IDH2: variants seen among roughly 807,000 people sequenced by gnomAD.
The protein encoded by IDH2 is isocitrate dehydrogenase (NADP(+)) 2, also known as isocitrate dehydrogenase [NADP], mitochondrial.
In IDH2, 18 loss-of-function variants were observed where a neutral mutation model predicts 50.5. The observed-to-expected ratio is 0.36, with a 90% CI of 0.25 to 0.53. IDH2 has a LOEUF of 0.53. Among genes scored for constraint, IDH2 ranks in the 20% least tolerant of loss-of-function variants. The pLI, the probability that IDH2 is intolerant of heterozygous loss-of-function variation, is 0.92. For missense variants in IDH2, 518 were observed against 610.7 expected (o/e 0.85, Z 1.60); for synonymous variants, 280 against 239.8 (o/e 1.17, Z -1.55).
Position 90,087,086 on chromosome 15 carries a change from C to T in IDH2, c.967+26G>A, listed in dbSNP as rs762085634. 3.1e-6 allele frequency: 5 copies of T among 1,613,564 alleles called. No individual in the cohort carries two copies. The South Asian group carries it at 3.3e-5, about 11-fold the overall frequency. On this transcript the variant is annotated intron_variant, in intron 7 of 10. Coordinates refer to ENST00000330062, the MANE Select transcript of IDH2 (RefSeq NM_002168.4). ...AGAGAAGACCAACAGTCCACCCCCA[C>T]AGGGAGCAGCGTCCTCCCAGCGTAC...
At chr15:90,094,210 C>T (rs188188177) in intron 1 of IDH2, among the ~76,000 whole-genome samples, 4 of 152,164 alleles carry the variant, frequency 2.6e-5, no homozygotes, top group Non-Finnish European at 4.4e-5. Flanking sequence ...GAGTCTGACT[C>T]GCAGGAATAC....
chr15:90,093,556 T>C (rs1901100973), intron 1 of IDH2, among the ~76,000 whole-genome samples: 1 of 152,146 alleles, frequency 6.6e-6, no homozygotes, highest in African/African-American at 2.4e-5. Context: ...TTCCATTTAA[T>C]CCCAAAAACA....
At position 90,100,525 on chromosome 15, in the gene IDH2, C is replaced by T; in HGVS notation, c.115+1751G>A. 1.8e-6 allele frequency: 1 copy of T among 549,456 alleles called. No individual in the cohort carries two copies. The highest frequency in any genetic ancestry group is 2.3e-6 in the Non-Finnish European group (1 of 431,366). The allele number at this position is 549,456 out of a possible 1,614,324, so 34.0% of individuals were successfully genotyped here. A position where few individuals can be genotyped will look rare whatever the true frequency, so the allele number is the denominator to read the frequency against. The stretch of plus-strand genomic sequence containing the variant: ...AAGGAAGGCTAGATAAGTAATTCTG[C>T]CACTGAGCCGTTCACAGAACTGGTC... On this transcript the variant is annotated intron_variant, in intron 1 of 10. Transcript: ENST00000330062. The surrounding 1 kb of genome is among the most constrained non-coding windows in gnomAD (Gnocchi z 4.1).
chr15:90,098,502 T>TTATGTATGTATG lies in IDH2; in HGVS notation c.115+3762_115+3773dup, dbSNP rs1185519209. 5.3e-5 allele frequency among the ~76,000 whole-genome samples: 3 copies of TTATGTATGTATG among 56,754 alleles called. No homozygotes were observed. Among genetic ancestry groups the TTATGTATGTATG allele is most frequent in the Non-Finnish European group, 9.3e-5 (2 of 21,438 alleles). The allele number at this position is 56,754 out of a possible 152,430, so 37.2% of individuals were successfully genotyped here. A position where few individuals can be genotyped will look rare whatever the true frequency, so the allele number is the denominator to read the frequency against. ...AGGCAGGACAGCAACTTTGTATATTTTATGTATGTATGTATGTATGTATGC... is the reference window on the plus strand; with the variant it reads ...AGGCAGGACAGCAACTTTGTATATTTTATGTATGTATGTATGTATGTATGTATGTATGTATGC... On this transcript the variant is annotated intron_variant, in intron 1 of 10. Transcript: ENST00000330062. This position sits in a 1 kb window ranked among gnomAD's most constrained non-coding sequence, Gnocchi z 5.1.
At position 90,084,239 on chromosome 15, in the gene IDH2, C is replaced by T. The variant is rs778604514; in HGVS notation, c.*27G>A. ...CCCGCCGGCTCAGCCCTGGCCCCTC[C>T]ACTGCAGCCATGGGTGGCGCCTCCC... is the stretch of plus-strand genomic sequence containing the variant. On this transcript the variant is annotated 3_prime_UTR_variant, in exon 11 of 11. Coordinates refer to ENST00000330062, the MANE Select transcript of IDH2 (RefSeq NM_002168.4). The surrounding 1 kb of genome is among the most constrained non-coding windows in gnomAD (Gnocchi z 5.0). 5 of 1,604,586 alleles carry T rather than the reference C, an allele frequency of 3.1e-6. No individual in the cohort carries two copies. The highest frequency in any genetic ancestry group is 3.3e-5 in the Admixed American group (2 of 59,814).
In IDH2 at chr15:90,088,494, G is replaced by C. The variant is rs772650285; in HGVS notation, c.543C>G (p.Ala181=). ...CGGCCCGGTCTGCCACAAAGTCTGTGGCCTTGTACTGCAGAGACAAGAGGA... is the reference window on the plus strand; with the variant it reads ...CGGCCCGGTCTGCCACAAAGTCTGTCGCCTTGTACTGCAGAGACAAGAGGA... ...GRHAHGDQYK[A]TDFVADRAGT... is the part of the protein sequence containing the mutation. The change falls in exon 5 of 11, where the codon GCC becomes GCG. Residue 181 remains alanine (A), a synonymous_variant. Transcript: ENST00000330062. 6.2e-7 allele frequency: 1 copy of C among 1,614,238 alleles called. No homozygotes were observed. Among genetic ancestry groups the C allele is most frequent in the Non-Finnish European group, 8.5e-7 (1 of 1,180,044 alleles).
intron 1 of IDH2, among the ~76,000 whole-genome samples, chr15:90,099,864 T>G (rs1353726267): frequency 6.6e-6 from 1 of 152,202 alleles, no homozygotes; most frequent in Admixed American, 6.5e-5. Context: ...TGAAAGAGTC[T>G]CTGCTGGTTT....
At position 90,087,560 on chromosome 15, in the gene IDH2, C is replaced by A; in HGVS notation, c.694G>T (p.Ala232Ser). The A allele has an allele frequency of 6.2e-7, 1 of 1,613,618 alleles. No homozygotes were observed. The highest frequency in any genetic ancestry group is 8.5e-7 in the Non-Finnish European group (1 of 1,180,042). Residue 232 changes from alanine to serine, a missense_variant, in exon 6 of 11, where the codon GCG (alanine) becomes TCG (serine). Coordinates refer to ENST00000330062, the MANE Select transcript of IDH2 (RefSeq NM_002168.4). ...YNTDESISGF[A>S]HSCFQYAIQK... The stretch of plus-strand genomic sequence containing the variant: ...ATGGCATACTGGAAGCAGCTGTGCG[C>A]AAAACCTGAGATGGACTGCAGGGGG...
Position 90,100,485 on chromosome 15 carries a change from T to A in IDH2, c.115+1791A>T. 2 of 275,498 alleles carry A rather than the reference T, an allele frequency of 7.3e-6. No homozygotes were observed. The highest frequency in any genetic ancestry group is 1.1e-5 in the Non-Finnish European group (2 of 180,916). 17.1% of individuals were successfully genotyped at this position (275,498 alleles called of 1,614,324 possible). A position where few individuals can be genotyped will look rare whatever the true frequency, so the allele number is the denominator to read the frequency against. ...CTTAAGGGGCAAGAATTAAGAAGTT[T>A]CTGGGTTAGGAGTGAAGGAAGGCTA... On this transcript the variant is annotated intron_variant, in intron 1 of 10. Transcript: ENST00000330062. This position sits in a 1 kb window ranked among gnomAD's most constrained non-coding sequence, Gnocchi z 4.1.
intron 5 of IDH2, among the ~76,000 whole-genome samples, 182 bp from the exon 6 acceptor site, chr15:90,087,757 A>ACTTTG (rs1235256231): frequency 1.4e-5 from 2 of 144,246 alleles, no homozygotes; most frequent in Non-Finnish European, 3.0e-5. Flanking sequence ...CTCCCTCTCA[A>ACTTTG]CTTTGCTTTG....
Position 90,088,626 on chromosome 15 carries a change from G to A in IDH2, c.495C>T (p.Thr165=), listed in dbSNP as rs2151549596. 6.2e-7 allele frequency: 1 copy of A among 1,614,226 alleles called. No homozygotes were observed. ...CGTGCCTGCCAATGGTGATGGGCTT[G>A]GTCCAGCCAGGGACTAGGCGTGGGA... ...KNIPRLVPGW[T]KPITIGRHAH... Residue 165 remains threonine, a synonymous_variant, in exon 4 of 11, where the codon ACC becomes ACT. Coordinates refer to ENST00000330062, the MANE Select transcript of IDH2 (RefSeq NM_002168.4).
At chr15:90,093,973 CT>C (rs1901116946) in intron 1 of IDH2, among the ~76,000 whole-genome samples, 1 of 152,150 alleles carries the variant, frequency 6.6e-6, no homozygotes, top group East Asian at 1.9e-4. Context: ...TAACAGCTTA[CT>C]GCCCAAGGTT....
intron 1 of IDH2, among the ~76,000 whole-genome samples, chr15:90,097,635 G>A (rs1901215452): frequency 6.6e-6 from 1 of 151,970 alleles, no homozygotes; most frequent in African/African-American, 2.4e-5. Flanking sequence ...CATAGAAACA[G>A]AAAGTAAAAA....
chr15:90,095,208 G>A (rs1026755780), intron 1 of IDH2, among the ~76,000 whole-genome samples: 2 of 152,150 alleles, frequency 1.3e-5, no homozygotes, highest in African/African-American at 2.4e-5. Context: ...CCGTGGGTCA[G>A]ATGTAGAGAA....
chr15:90,098,694 C>A lies in IDH2; in HGVS notation c.115+3582G>T, dbSNP rs1169725235. Among the ~76,000 whole-genome samples, 1 of 152,100 alleles carries A rather than the reference C, an allele frequency of 6.6e-6. No individual in the cohort carries two copies. On this transcript the variant is annotated intron_variant, in intron 1 of 10. Coordinates refer to ENST00000330062, the MANE Select transcript of IDH2 (RefSeq NM_002168.4). The surrounding 1 kb of genome is among the most constrained non-coding windows in gnomAD (Gnocchi z 5.1). ...GAGTAGCTGGGACTACAGGCGCCTGCCACCACACCCAGCTAATTTTTGTAT... is the reference window on the plus strand; with the variant it reads ...GAGTAGCTGGGACTACAGGCGCCTGACACCACACCCAGCTAATTTTTGTAT...
chr15:90,088,774 C>T (rs2151550007), intron 3 of IDH2, 27 bp from the exon 4 acceptor site: 2 of 1,613,182 alleles, frequency 1.2e-6, no homozygotes, highest in Non-Finnish European at 1.7e-6. Flanking sequence ...AATAGTGGTC[C>T]CACTGCAGCC....
At position 90,102,306 on chromosome 15, in the gene IDH2, G is replaced by T; in HGVS notation, c.85C>A (p.Pro29Thr). 1 of 1,354,162 alleles carries T rather than the reference G, an allele frequency of 7.4e-7. No homozygotes were observed. The highest frequency in any genetic ancestry group is 1.6e-5 in the South Asian group (1 of 60,702). 83.9% of individuals were successfully genotyped at this position (1,354,162 alleles called of 1,614,324 possible). Residue 29 changes from proline to threonine, a missense_variant, in exon 1 of 11, where the codon CCC becomes ACC. Pro to Thr is a conservative substitution (Grantham distance 38). This residue lies in a region of IDH2 where 85 missense variants were observed against 66.9 expected (regional missense o/e 1.27). Coordinates refer to ENST00000330062, the MANE Select transcript of IDH2 (RefSeq NM_002168.4). Reference protein sequence around the residue: ...PAWAPAALTAPTSQEQPRRHY... With the variant: ...PAWAPAALTATTSQEQPRRHY... ...CGCCGCGGCTGCTCTTGCGAGGTGG[G>T]GGCTGTCAGGGCCGCCGGCGCCCAG...
intron 7 of IDH2, among the ~76,000 whole-genome samples, chr15:90,086,264 T>C (rs1385007482): frequency 6.6e-6 from 1 of 152,196 alleles, no homozygotes; most frequent in East Asian, 1.9e-4. Flanking sequence ...CTGGTAAGCT[T>C]AGGTTTCTCT....
At chr15:90,093,771 C>T (rs1444256975) in intron 1 of IDH2, among the ~76,000 whole-genome samples, 2 of 152,150 alleles carry the variant, frequency 1.3e-5, no homozygotes, top group African/African-American at 4.8e-5. Flanking sequence ...AGGCACACGC[C>T]ACCAGGCCCG....
Sources: allele counts gnomAD v4.1 joint callset (sites outside exome capture counted in the v4.1 genomes callset), GRCh38; gene constraint gnomAD v4.1.1; regional missense constraint gnomAD v4.1.1; non-coding constraint Gnocchi (gnomAD v3.1); transcripts MANE v1.5; gene names NCBI Gene and HGNC (gene_info 2026-07-23, HGNC 2026-07-21).